AFAP1: variants seen among roughly 807,000 people sequenced by gnomAD.
AFAP1 encodes the protein actin filament-associated protein 1.
A neutral mutation model predicts 93.9 loss-of-function variants in AFAP1; 75 were observed. That is an observed-to-expected ratio of 0.80 (90% CI 0.66 to 0.97). The LOEUF (loss-of-function observed/expected upper bound fraction) is 0.97, where lower values mean the gene tolerates loss of function less well. AFAP1 is among the 50% of genes least tolerant of loss of function. The probability of loss-of-function intolerance (pLI) is 0.00; values close to 1 mark genes in which losing one functional copy is unlikely to be tolerated. For synonymous variants in AFAP1, 517 were observed against 430.7 expected (o/e 1.20, Z -2.48); for missense variants, 1,201 against 1,050.8 (o/e 1.14, Z -1.98).
At chr4:7,916,529 G>A (rs769959483) in intron 1 of AFAP1, among the ~76,000 whole-genome samples, 85 of 152,226 alleles carry the variant, frequency 5.6e-4, no homozygotes, top group Middle Eastern at 3.4e-3. Context: ...CTGACCCAGC[G>A]AAACCAGCAT....
At chr4:7,801,603 A>G (rs1197896052) in intron 9 of AFAP1, among the ~76,000 whole-genome samples, 1 of 152,170 alleles carries the variant, frequency 6.6e-6, no homozygotes, top group Non-Finnish European at 1.5e-5. Flanking sequence ...TTTAAGATTT[A>G]GAAAGCGAGA....
chr4:7,828,307 A>G (rs1721614099), intron 6 of AFAP1, among the ~76,000 whole-genome samples: 1 of 152,216 alleles, frequency 6.6e-6, no homozygotes, highest in Non-Finnish European at 1.5e-5. Context: ...GGACTCTGCT[A>G]CGTCCTGATG....
chr4:7,768,249 C>A (rs542520829), intron 17 of AFAP1, among the ~76,000 whole-genome samples: 1 of 152,250 alleles, frequency 6.6e-6, no homozygotes, highest in Non-Finnish European at 1.5e-5. Flanking sequence ...CCGCCAGGAC[C>A]CGTTTGCTTT....
intron 3 of AFAP1, among the ~76,000 whole-genome samples, chr4:7,856,495 C>A (rs1422811375): frequency 6.6e-6 from 1 of 152,132 alleles, no homozygotes; most frequent in Non-Finnish European, 1.5e-5. Flanking sequence ...CCGCCTTGGC[C>A]TCCCAAAGTG....
chr4:7,771,847 G>A (rs1307655570), intron 16 of AFAP1, among the ~76,000 whole-genome samples: 7 of 152,140 alleles, frequency 4.6e-5, no homozygotes, highest in Non-Finnish European at 1.0e-4. Context: ...GGTGCCACAG[G>A]AGACTGGGGC....
intron 4 of AFAP1, among the ~76,000 whole-genome samples, chr4:7,844,450 T>C (rs562137933): frequency 1.4e-4 from 21 of 152,260 alleles, no homozygotes; most frequent in Non-Finnish European, 2.5e-4. Flanking sequence ...GTGGTGGCAT[T>C]TGTCACTGCG....
At chr4:7,889,706 A>ATTT (rs1718342543) in intron 1 of AFAP1, among the ~76,000 whole-genome samples, 1 of 149,588 alleles carries the variant, frequency 6.7e-6, no homozygotes, top group Non-Finnish European at 1.5e-5. Context: ...TTTTTTTTTA[A>ATTT]AAAAAGAACA....
At chr4:7,808,791 C>T (rs1450565175) in intron 9 of AFAP1, among the ~76,000 whole-genome samples, 2 of 152,024 alleles carry the variant, frequency 1.3e-5, no homozygotes, top group Non-Finnish European at 2.9e-5. Flanking sequence ...GTGGTTCCTG[C>T]GAGATCTGAT....
intron 9 of AFAP1, among the ~76,000 whole-genome samples, chr4:7,808,697 G>C (rs973182234): frequency 1.3e-5 from 2 of 152,184 alleles, no homozygotes; most frequent in Non-Finnish European, 2.9e-5. Flanking sequence ...GGCTGGCCTG[G>C]TGGGAGGTGC....
At chr4:7,773,583 T>TGGTGGCCGGC (rs1327041966) in intron 15 of AFAP1, 3 of 152,532 alleles carry the variant, frequency 2.0e-5, no homozygotes, top group African/African-American at 7.2e-5. Flanking sequence ...CCTGGGCCGG[T>TGGTGGCCGGC]GGTGGCCGGC....
At chr4:7,846,771 C>T (rs1713753713) in intron 4 of AFAP1, among the ~76,000 whole-genome samples, 1 of 152,170 alleles carries the variant, frequency 6.6e-6, no homozygotes, top group African/African-American at 2.4e-5. Context: ...TTCTCACATC[C>T]ACCATCTCAC....
At chr4:7,786,832 G>T (rs936238381) in intron 11 of AFAP1, among the ~76,000 whole-genome samples, 1 of 152,210 alleles carries the variant, frequency 6.6e-6, no homozygotes, top group African/African-American at 2.4e-5. Context: ...GAAAGTTACT[G>T]TCTGGTCTCT....
intron 2 of AFAP1, 43 bp from the exon 3 acceptor site, chr4:7,868,762 G>T: frequency 1.3e-6 from 2 of 1,555,836 alleles, no homozygotes; most frequent in African/African-American, 1.4e-5. Context: ...TGAGGATGGG[G>T]ATGAGAAGGG....
At chr4:7,914,201 C>A (rs1221325929) in intron 1 of AFAP1, among the ~76,000 whole-genome samples, 1 of 151,942 alleles carries the variant, frequency 6.6e-6, no homozygotes, top group Non-Finnish European at 1.5e-5. Context: ...GTTACAGGCA[C>A]CCACCACCAC....
intron 4 of AFAP1, among the ~76,000 whole-genome samples, chr4:7,850,005 C>G (rs772562061): frequency 2.0e-5 from 3 of 151,934 alleles, no homozygotes; most frequent in African/African-American, 4.8e-5. Context: ...GGTAAAGGGA[C>G]GAGGAGAGAA....
At chr4:7,842,254 T>C (rs1046166435) in intron 5 of AFAP1, among the ~76,000 whole-genome samples, 1 of 48,500 alleles carries the variant, frequency 2.1e-5, no homozygotes, top group Non-Finnish European at 4.2e-5. Context: ...AGGAACTTAG[T>C]AAAACAAAAA....
rs1560159394 is a variant in AFAP1, at chr4:7,789,595, CG to C, written c.1413-3285del. ...GCATCTCCCCACGCTCCGCACCAGC[CG>C]CTGCTTTCCATCCTCTTCATCCTCA... On this transcript the variant is annotated intron_variant, in intron 11 of 17. Transcript: ENST00000420658. Among the ~76,000 whole-genome samples the C allele has an allele frequency of 1.1e-3, 145 of 133,108 alleles. 3 individuals carry two copies. The highest frequency in any genetic ancestry group is 1.5e-3 in the African/African-American group (47 of 30,932). 87.3% of individuals were successfully genotyped at this position (133,108 alleles called of 152,430 possible). A position where few individuals can be genotyped will look rare whatever the true frequency, so the allele number is the denominator to read the frequency against.
At chr4:7,893,943 C>T (rs140071769) in intron 1 of AFAP1, among the ~76,000 whole-genome samples, 21 of 152,326 alleles carry the variant, frequency 1.4e-4, no homozygotes, top group African/African-American at 5.1e-4. Flanking sequence ...CGCCTCTACC[C>T]ACAGCCTCAG....
At chr4:7,934,320 A>G (rs573845041) in intron 1 of AFAP1, among the ~76,000 whole-genome samples, 11 of 152,184 alleles carry the variant, frequency 7.2e-5, no homozygotes, top group African/African-American at 2.7e-4. Flanking sequence ...CTGCACTGAA[A>G]TGATGTCCAG....
Sources: allele counts gnomAD v4.1 joint callset (sites outside exome capture counted in the v4.1 genomes callset), GRCh38; gene constraint gnomAD v4.1.1; transcripts MANE v1.5; gene names NCBI Gene and HGNC (gene_info 2026-07-23, HGNC 2026-07-21).